The following SUMF1 variants were observed in gnomAD, a reference collection of about 807,000 sequenced individuals.
SUMF1 encodes the protein sulfatase modifying factor 1, also known as formylglycine-generating enzyme.
SUMF1 carries 48 observed loss-of-function variants against 47.6 expected under a neutral mutation model. The ratio of observed to expected loss-of-function variants is 1.01; its 90% CI spans 0.80 to 1.28. The LOEUF (loss-of-function observed/expected upper bound fraction) is 1.28, where lower values mean the gene tolerates loss of function less well. SUMF1 is among the 50% of genes most tolerant of loss of function. The pLI is 0.00. For missense variants in SUMF1, 571 were observed against 485.4 expected (o/e 1.18, Z -1.66); for synonymous variants, 230 against 192.1 (o/e 1.20, Z -1.63).
chr3:4,323,087 T>A (rs1444699124), intron 8 of SUMF1, among the ~76,000 whole-genome samples: 2 of 152,122 alleles, frequency 1.3e-5, no homozygotes, highest in Non-Finnish European at 2.9e-5. Flanking sequence ...ACGTTATTCA[T>A]AATAGCAAAA....
chr3:4,261,703 C>A (rs987884264), intron 8 of SUMF1, among the ~76,000 whole-genome samples: 4 of 152,196 alleles, frequency 2.6e-5, no homozygotes, highest in Non-Finnish European at 5.9e-5. Flanking sequence ...CATCAGATCT[C>A]AAGCCTGCTT....
intron 8 of SUMF1, chr3:4,317,011 A>G (rs768463457): frequency 2.6e-6 from 4 of 1,549,424 alleles, no homozygotes; most frequent in East Asian, 2.4e-5. Context: ...GAATTGGGCT[A>G]TGAAGTTTTG....
At chr3:4,356,662 G>A (rs567867830), downstream of SUMF1, among the ~76,000 whole-genome samples, 6 of 152,136 alleles carry the variant, frequency 3.9e-5, no homozygotes, top group African/African-American at 1.4e-4. Context: ...AGATGAAACG[G>A]GGCTGCAGAA....
At chr3:4,071,857 T>A (rs796406905) in intron 8 of SUMF1, among the ~76,000 whole-genome samples, 3 of 152,310 alleles carry the variant, frequency 2.0e-5, no homozygotes, top group African/African-American at 7.2e-5. Context: ...AAGGGGCAGC[T>A]GTGGGCACAG....
intron 8 of SUMF1, chr3:4,312,931 G>A: frequency 1.2e-6 from 2 of 1,613,364 alleles, no homozygotes; most frequent in South Asian, 2.2e-5. Context: ...ACCTGGAGCA[G>A]ACATTGATCC....
intron 1 of SUMF1, among the ~76,000 whole-genome samples, chr3:4,456,121 C>T (rs986999628): frequency 1.3e-5 from 2 of 152,128 alleles, no homozygotes; most frequent in African/African-American, 4.8e-5. Flanking sequence ...AGGACAAAAC[C>T]AAATGTTCAC....
intron 8 of SUMF1, among the ~76,000 whole-genome samples, chr3:4,105,052 T>A (rs1693126882): frequency 6.6e-6 from 1 of 152,118 alleles, no homozygotes; most frequent in African/African-American, 2.4e-5. Flanking sequence ...GCTTTTGTTT[T>A]TAAAAGAGAA....
intron 8 of SUMF1, among the ~76,000 whole-genome samples, chr3:4,123,193 G>A (rs773368072): frequency 6.6e-6 from 1 of 152,126 alleles, no homozygotes; most frequent in African/African-American, 2.4e-5. Context: ...AGATGCAATG[G>A]TCAAGGAAGC....
intron 8 of SUMF1, among the ~76,000 whole-genome samples, chr3:4,367,527 A>G (rs1412160989): frequency 6.6e-6 from 1 of 151,760 alleles, no homozygotes; most frequent in East Asian, 2.0e-4. Context: ...CGCATCACCA[A>G]GTCAATCCTA....
intron 8 of SUMF1, among the ~76,000 whole-genome samples, chr3:4,185,827 C>T (rs1182310634): frequency 1.3e-5 from 2 of 152,156 alleles, no homozygotes; most frequent in East Asian, 3.9e-4. Context: ...ATAATACTGG[C>T]TTGAACAAGG....
rs147899724 is a variant in SUMF1 at position 4,039,088 on chromosome 3, T to C, written c.1191+29481A>G. 3.0e-4 allele frequency among the ~76,000 whole-genome samples: 46 copies of C among 151,978 alleles called. No individual in the cohort carries two copies. In the East Asian group the frequency reaches 8.5e-3, roughly 28 times the overall value. On this transcript the variant is annotated intron_variant and NMD_transcript_variant, in intron 9 of 12. Transcript: ENST00000448413. ...GCACTCCCCCCTTAATTTTTTATAG[T>C]TCAAGTAGAAAAAAATTACAGAGAA...
intron 8 of SUMF1, among the ~76,000 whole-genome samples, chr3:4,155,643 C>G (rs967501760): frequency 6.6e-6 from 1 of 151,460 alleles, no homozygotes; most frequent in African/African-American, 2.4e-5. Flanking sequence ...AGCTTTAAAC[C>G]TGGCTCCTAG....
chr3:4,239,177 G>C (rs914592540), intron 8 of SUMF1, among the ~76,000 whole-genome samples: 1 of 152,076 alleles, frequency 6.6e-6, no homozygotes, highest in Non-Finnish European at 1.5e-5. Context: ...GGTTACTGTA[G>C]CCTTTTAATA....
chr3:4,313,318 A>C, intron 8 of SUMF1: 2 of 1,614,102 alleles, frequency 1.2e-6, no homozygotes, highest in Non-Finnish European at 1.7e-6. Context: ...CTCCAATTAC[A>C]TTATAGCCAT....
intron 8 of SUMF1, among the ~76,000 whole-genome samples, chr3:4,149,467 C>T (rs1417738155): frequency 1.3e-5 from 2 of 152,152 alleles, no homozygotes; most frequent in African/African-American, 4.8e-5. Context: ...ACACCTCTAC[C>T]ACATCCCCAC....
intron 8 of SUMF1, among the ~76,000 whole-genome samples, chr3:4,345,351 C>T (rs10470682): frequency 1.0e-3 from 153 of 152,298 alleles, no homozygotes; most frequent in African/African-American, 3.6e-3. Flanking sequence ...AGAAACTCTA[C>T]AAGCCAGAAG....
At chr3:4,106,138 G>C (rs1693152963) in intron 8 of SUMF1, among the ~76,000 whole-genome samples, 1 of 151,884 alleles carries the variant, frequency 6.6e-6, no homozygotes, top group African/African-American at 2.4e-5. Flanking sequence ...CACCTTAGGA[G>C]AATTTCTGTA....
chr3:4,303,658 G>T (rs953967069), intron 8 of SUMF1: 2 of 1,442,522 alleles, frequency 1.4e-6, no homozygotes, highest in East Asian at 2.9e-5. Context: ...GTTGGTGCGC[G>T]GGAATAGGTG....
chr3:4,234,478 C>A (rs1314399089), intron 8 of SUMF1, among the ~76,000 whole-genome samples: 1 of 152,038 alleles, frequency 6.6e-6, no homozygotes, highest in Non-Finnish European at 1.5e-5. Flanking sequence ...TGGATGGTAT[C>A]TTTTCGTTTC....
Sources: gnomAD v4.1 joint callset for allele counts (sites outside exome capture counted in the v4.1 genomes callset) on GRCh38, gnomAD v4.1.1 for gene constraint, MANE v1.5 for transcripts, NCBI Gene and HGNC (gene_info 2026-07-23, HGNC 2026-07-21) for gene names.